ADAMTSL1: variants seen among roughly 807,000 people sequenced by gnomAD.
ADAMTSL1 encodes ADAMTS-like protein 1.
A neutral mutation model predicts 201.8 loss-of-function variants in ADAMTSL1; 126 were observed. That is an observed-to-expected ratio of 0.62 (90% CI 0.54 to 0.72). ADAMTSL1 has a LOEUF of 0.72. Among genes scored for constraint, ADAMTSL1 ranks in the 30% least tolerant of loss-of-function variants. The pLI is 0.00. For missense variants in ADAMTSL1, 2,679 were observed against 2,277.8 expected (o/e 1.18, Z -3.59); for synonymous variants, 1,121 against 903.4 (o/e 1.24, Z -4.32).
chr9:18,630,405 G>T (rs1460595351), intron 5 of ADAMTSL1, among the ~76,000 whole-genome samples: 1 of 152,140 alleles, frequency 6.6e-6, no homozygotes, highest in Admixed American at 6.6e-5. Context: ...TATGCTGCTG[G>T]CTACTTTAAG....
At chr9:18,074,066 T>A (rs565167374) in intron 1 of ADAMTSL1, among the ~76,000 whole-genome samples, 1 of 152,276 alleles carries the variant, frequency 6.6e-6, no homozygotes, top group South Asian at 2.1e-4. Context: ...GGTTCATTTC[T>A]CATTTTTTGG....
chr9:18,150,511 T>G (rs1826860773), intron 1 of ADAMTSL1, among the ~76,000 whole-genome samples: 1 of 152,014 alleles, frequency 6.6e-6, no homozygotes, highest in Non-Finnish European at 1.5e-5. Context: ...GCTGAGTTTG[T>G]GGAGTCATGA....
chr9:17,909,060 T>C (rs930142549), intron 1 of ADAMTSL1, among the ~76,000 whole-genome samples: 2 of 149,944 alleles, frequency 1.3e-5, no homozygotes, highest in Non-Finnish European at 1.5e-5. Context: ...TTTGCATTTC[T>C]CTGATGGCCA....
chr9:18,324,469 A>G (rs2132870505), intron 2 of ADAMTSL1, among the ~76,000 whole-genome samples: 1 of 151,754 alleles, frequency 6.6e-6, no homozygotes, highest in Admixed American at 6.6e-5. Context: ...ATGAAAAAAT[A>G]ACACACTACA....
At chr9:17,936,486 T>C (rs1004562131) in intron 1 of ADAMTSL1, among the ~76,000 whole-genome samples, 2 of 152,284 alleles carry the variant, frequency 1.3e-5, no homozygotes, top group Non-Finnish European at 2.9e-5. Flanking sequence ...GCGAGTCTAG[T>C]AGCCTTCGTT....
intron 15 of ADAMTSL1, among the ~76,000 whole-genome samples, chr9:18,741,495 C>T (rs1279306117): frequency 6.6e-6 from 1 of 152,144 alleles, no homozygotes; most frequent in African/African-American, 2.4e-5. Flanking sequence ...TATAAATGTC[C>T]AGAAAGATTT....
At chr9:18,860,557 T>C (rs1199137003) in intron 23 of ADAMTSL1, among the ~76,000 whole-genome samples, 2 of 151,868 alleles carry the variant, frequency 1.3e-5, no homozygotes, top group East Asian at 3.9e-4. Context: ...TTACCAACAA[T>C]GACAAACATC....
chr9:18,762,208 A>T (rs1477066287), intron 16 of ADAMTSL1, among the ~76,000 whole-genome samples: 1 of 152,100 alleles, frequency 6.6e-6, no homozygotes, highest in Non-Finnish European at 1.5e-5. Context: ...GCAGGGAGGG[A>T]GAGGAAAATA....
intron 1 of ADAMTSL1, among the ~76,000 whole-genome samples, chr9:17,950,603 C>T (rs980855808): frequency 5.3e-5 from 8 of 151,808 alleles, no homozygotes; most frequent in Non-Finnish European, 1.0e-4. Context: ...CTTTTATGAT[C>T]TCTCATACTG....
chr9:17,985,384 C>A (rs543033853), intron 1 of ADAMTSL1, among the ~76,000 whole-genome samples: 3 of 151,844 alleles, frequency 2.0e-5, no homozygotes, highest in Non-Finnish European at 4.4e-5. Context: ...CTAGGAAGAC[C>A]ATTTAAAATA....
chr9:18,069,141 T>TA (rs1423742237), intron 1 of ADAMTSL1, among the ~76,000 whole-genome samples: 9 of 152,180 alleles, frequency 5.9e-5, no homozygotes, highest in African/African-American at 2.2e-4. Flanking sequence ...GCAGCTGAAA[T>TA]ACGGTGTCTG....
At chr9:18,332,960 A>T (rs138587670) in intron 2 of ADAMTSL1, among the ~76,000 whole-genome samples, 55 of 152,274 alleles carry the variant, frequency 3.6e-4, no homozygotes, top group African/African-American at 1.3e-3. Context: ...GAGGAATAAA[A>T]TGGTATTATG....
At chr9:18,171,300 G>T (rs982452205) in intron 2 of ADAMTSL1, among the ~76,000 whole-genome samples, 3 of 151,918 alleles carry the variant, frequency 2.0e-5, no homozygotes, top group African/African-American at 7.2e-5. Flanking sequence ...ACAAATTTCA[G>T]ACATATTAAA....
intron 25 of ADAMTSL1, among the ~76,000 whole-genome samples, chr9:18,890,003 G>A (rs1280816079): frequency 6.6e-6 from 1 of 152,118 alleles, no homozygotes; most frequent in Non-Finnish European, 1.5e-5. Flanking sequence ...CCCTAACGGG[G>A]TCTGTTCAGG....
chr9:18,339,307 A>T (rs899011881), intron 2 of ADAMTSL1, among the ~76,000 whole-genome samples: 1 of 152,188 alleles, frequency 6.6e-6, no homozygotes, highest in Non-Finnish European at 1.5e-5. Flanking sequence ...ATGAACAGAC[A>T]CTTTTCAAAA....
intron 10 of ADAMTSL1, among the ~76,000 whole-genome samples, chr9:18,679,079 A>C (rs1289619449): frequency 6.6e-6 from 1 of 152,150 alleles, no homozygotes; most frequent in African/African-American, 2.4e-5. Context: ...CAGTGCAGAG[A>C]AAATGTGAAG....
intron 2 of ADAMTSL1, among the ~76,000 whole-genome samples, chr9:18,240,418 C>G (rs978737326): frequency 2.6e-5 from 4 of 151,438 alleles, no homozygotes; most frequent in Non-Finnish European, 5.9e-5. Flanking sequence ...AATAGATGAG[C>G]TGTCATCCAG....
chr9:18,143,380 T>C (rs1398705573), intron 1 of ADAMTSL1, among the ~76,000 whole-genome samples: 1 of 152,216 alleles, frequency 6.6e-6, no homozygotes, highest in East Asian at 1.9e-4. Flanking sequence ...CCCAAGTACA[T>C]CTTCCTTTCC....
chr9:18,515,564 A>C (rs1198664645), intron 2 of ADAMTSL1, among the ~76,000 whole-genome samples: 4 of 152,142 alleles, frequency 2.6e-5, no homozygotes, highest in Non-Finnish European at 5.9e-5. Flanking sequence ...CTCCCTCGTG[A>C]GCTCAAGTGA....
Sources: allele counts gnomAD v4.1 joint callset (sites outside exome capture counted in the v4.1 genomes callset), GRCh38; gene constraint gnomAD v4.1.1; transcripts MANE v1.5; gene names NCBI Gene and HGNC (gene_info 2026-07-23, HGNC 2026-07-21).